Variants in LEMD3 observed in about 807,000 individuals in gnomAD.
LEMD3 encodes inner nuclear membrane protein Man1.
In LEMD3, 33 loss-of-function variants were observed where a neutral mutation model predicts 95.2. The ratio of observed to expected loss-of-function variants is 0.35; its 90% CI spans 0.26 to 0.46. The LOEUF is 0.46. Among genes scored for constraint, LEMD3 ranks in the 20% least tolerant of loss-of-function variants. The probability of loss-of-function intolerance (pLI) is 1.00; values close to 1 mark genes in which losing one functional copy is unlikely to be tolerated. For synonymous variants in LEMD3, 525 were observed against 474.6 expected (o/e 1.11, Z -1.38); for missense variants, 1,210 against 1,192.8 (o/e 1.01, Z -0.21).
rs1253016294 is a variant in LEMD3 at position 65,170,528 on chromosome 12, A to G, written c.932A>G (p.Gln311Arg). 6.2e-7 allele frequency: 1 copy of G among 1,613,930 alleles called. No homozygotes were observed. The highest frequency in any genetic ancestry group is 1.3e-5 in the African/African-American group (1 of 74,912). The change falls in exon 1 of 13, where the codon CAG (glutamine) becomes CGG (arginine). Residue 311 changes from glutamine to arginine, a missense_variant. Gln to Arg is a conservative substitution (Grantham distance 43). This residue lies in a region of LEMD3 where 749 missense variants were observed against 622.9 expected (regional missense o/e 1.20). Transcript: ENST00000308330. The part of the protein sequence containing the change: ...SAGGRLETSV[Q>R]GGGGLAMNDR... The stretch of plus-strand genomic sequence containing the variant: ...GGCGGCAGGCTGGAGACTTCAGTTC[A>G]GGGAGGGGGAGGACTCGCGATGAAT...
rs546010073 is a variant in LEMD3, at chr12:65,192,536, C to CT, written c.1523-18381dup. Among the ~76,000 whole-genome samples the CT allele has an allele frequency of 1.1e-3, 161 of 151,216 alleles. 1 individual carries two copies. Among genetic ancestry groups the CT allele is most frequent in the Middle Eastern group, 3.4e-3 (1 of 294 alleles). ...AAACACATCTTTTATACCTTAATAG[C>CT]TTTTTTTTTAACCAAAAACATGTCT... On this transcript the variant is annotated intron_variant, in intron 1 of 12. Transcript: ENST00000308330.
At chr12:65,207,353 CTTG>C (rs1179485930) in intron 1 of LEMD3, among the ~76,000 whole-genome samples, 5 of 151,584 alleles carry the variant, frequency 3.3e-5, no homozygotes, top group Non-Finnish European at 4.4e-5. Flanking sequence ...ATATTGCAGT[CTTG>C]TTGGGGGTGG....
At chr12:65,193,173 G>C (rs932200803) in intron 1 of LEMD3, among the ~76,000 whole-genome samples, 3 of 152,150 alleles carry the variant, frequency 2.0e-5, no homozygotes, top group Admixed American at 2.0e-4. Flanking sequence ...ATTCGACTGA[G>C]AGGCATAAGG....
At chr12:65,208,906 A>G (rs924054196) in intron 1 of LEMD3, among the ~76,000 whole-genome samples, 4 of 152,128 alleles carry the variant, frequency 2.6e-5, no homozygotes, top group Non-Finnish European at 5.9e-5. Flanking sequence ...GAAGGATACT[A>G]GGGGTAGAGC....
intron 1 of LEMD3, among the ~76,000 whole-genome samples, chr12:65,182,206 C>T (rs911380306): frequency 2.0e-5 from 3 of 152,038 alleles, no homozygotes; most frequent in Admixed American, 6.6e-5. Context: ...TTTATCTTAT[C>T]GTTAGCTACA....
intron 1 of LEMD3, among the ~76,000 whole-genome samples, chr12:65,191,826 G>C (rs1442844083): frequency 6.6e-6 from 1 of 151,078 alleles, no homozygotes; most frequent in African/African-American, 2.4e-5. Context: ...TCAGAAGGCT[G>C]AGGCAGGAAA....
At chr12:65,184,146 A>C (rs1463647559) in intron 1 of LEMD3, among the ~76,000 whole-genome samples, 1 of 152,130 alleles carries the variant, frequency 6.6e-6, no homozygotes, top group Admixed American at 6.6e-5. Context: ...ATTTTACAGG[A>C]TTTTATATTG....
At position 65,238,807 on chromosome 12, in the gene LEMD3, A is replaced by T. The variant is rs1469699169; in HGVS notation, c.1914A>T (p.Leu638Phe). 1.2e-6 allele frequency: 2 copies of T among 1,614,054 alleles called. No homozygotes were observed. The highest frequency in any genetic ancestry group is 1.1e-5 in the South Asian group (1 of 91,082). The change falls in exon 6 of 13, where the codon TTA (leucine) becomes TTT (phenylalanine). Residue 638 changes from leucine (L) to phenylalanine (F), a missense_variant. Leu to Phe is a conservative substitution (Grantham distance 22, BLOSUM62 0). Coordinates refer to ENST00000308330, the MANE Select transcript of LEMD3 (RefSeq NM_014319.5). ...FVTVTHRLLL[L>F]CLGVVMVCVV... ...CTGTAACTCACAGATTATTGTTGTT[A>T]TGCTTAGGTAAGTTGTAAAGATAAG...
chr12:65,224,359 G>T (rs1179519689), intron 4 of LEMD3, among the ~76,000 whole-genome samples: 1 of 152,034 alleles, frequency 6.6e-6, no homozygotes, highest in African/African-American at 2.4e-5. Flanking sequence ...GGTTTTTCTG[G>T]ATATGTAGTA....
At chr12:65,219,963 G>C (rs1445417817) in intron 4 of LEMD3, among the ~76,000 whole-genome samples, 1 of 152,124 alleles carries the variant, frequency 6.6e-6, no homozygotes, top group Non-Finnish European at 1.5e-5. Context: ...TGGGCTTTTA[G>C]ATTGTTTCCA....
At position 65,246,296 on chromosome 12, in the gene LEMD3, G is replaced by A; in HGVS notation, c.2707G>A (p.Gly903Ser). ...CATGTCTCATCTTCGTCTTCGGACT[G>A]GCCTAACCAATTCTCAAGGAAGTTC... is the stretch of plus-strand genomic sequence containing the variant. ...NSMSHLRLRTGLTNSQGSS is the reference protein window; with the variant it reads ...NSMSHLRLRTSLTNSQGSS Residue 903 changes from glycine to serine, a missense_variant, in exon 13 of 13, where the codon GGC becomes AGC. Gly to Ser is a moderately conservative substitution (Grantham distance 56). Coordinates refer to ENST00000308330, the MANE Select transcript of LEMD3 (RefSeq NM_014319.5). 6.2e-7 allele frequency: 1 copy of A among 1,613,444 alleles called. No homozygotes were observed.
chr12:65,178,190 A>G (rs1868787868), intron 1 of LEMD3, among the ~76,000 whole-genome samples: 1 of 151,616 alleles, frequency 6.6e-6, no homozygotes. Flanking sequence ...TTATGTTTGA[A>G]GTTTTACGAG....
At chr12:65,215,547 A>G (rs989707164) in intron 2 of LEMD3, among the ~76,000 whole-genome samples, 19 of 152,212 alleles carry the variant, frequency 1.2e-4, no homozygotes, top group Middle Eastern at 3.2e-3. Context: ...GTATCAGTCA[A>G]CGTGCCAGTA....
chr12:65,243,782 C>T (rs1229901996), intron 10 of LEMD3, among the ~76,000 whole-genome samples: 1 of 152,070 alleles, frequency 6.6e-6, no homozygotes, highest in Non-Finnish European at 1.5e-5. Flanking sequence ...ATGTGTAAGT[C>T]ATTATACATG....
intron 1 of LEMD3, among the ~76,000 whole-genome samples, chr12:65,189,701 T>C (rs2136323629): frequency 6.6e-6 from 1 of 152,346 alleles, no homozygotes; most frequent in African/African-American, 2.4e-5. Context: ...CTAATTTGTT[T>C]GCAAAATAGG....
At chr12:65,197,836 C>G (rs1038149158) in intron 1 of LEMD3, among the ~76,000 whole-genome samples, 1 of 152,054 alleles carries the variant, frequency 6.6e-6, no homozygotes, top group African/African-American at 2.4e-5. Flanking sequence ...GGAGGGGAAA[C>G]TACTACTATT....
rs557684890 is a variant in LEMD3, at chr12:65,242,716, A to G, written c.2306-672A>G. Among the ~76,000 whole-genome samples the G allele has an allele frequency of 2.0e-5, 3 of 152,278 alleles. No homozygotes were observed. In the East Asian group the frequency reaches 5.8e-4, roughly 29 times the overall value. Reference sequence around the variant, plus strand: ...ATTATCCTCTCCTTCTTAGACAACTATAATATAATAATAACCTTCTAACTG... The same window carrying G: ...ATTATCCTCTCCTTCTTAGACAACTGTAATATAATAATAACCTTCTAACTG... On this transcript the variant is annotated intron_variant, in intron 9 of 12. Coordinates refer to ENST00000308330, the MANE Select transcript of LEMD3 (RefSeq NM_014319.5).
chr12:65,227,547 C>T (rs1254391558), intron 4 of LEMD3, among the ~76,000 whole-genome samples: 6 of 152,096 alleles, frequency 3.9e-5, no homozygotes, highest in Non-Finnish European at 4.4e-5. Flanking sequence ...TACATATAAC[C>T]TATGCATATC....
At chr12:65,187,579 G>C (rs1391479949) in intron 1 of LEMD3, among the ~76,000 whole-genome samples, 4 of 150,990 alleles carry the variant, frequency 2.6e-5, no homozygotes, top group African/African-American at 9.8e-5. Context: ...ATTTCCTTTG[G>C]AATTATTCCC....
Sources: allele counts gnomAD v4.1 joint callset (sites outside exome capture counted in the v4.1 genomes callset), GRCh38; gene constraint gnomAD v4.1.1; regional missense constraint gnomAD v4.1.1; transcripts MANE v1.5; gene names NCBI Gene and HGNC (gene_info 2026-07-23, HGNC 2026-07-21).